IL31RA: variants seen among roughly 807,000 people sequenced by gnomAD.
The protein encoded by IL31RA is interleukin-31 receptor subunit alpha.
In IL31RA, 66 loss-of-function variants were observed where a neutral mutation model predicts 83.7. The ratio of observed to expected loss-of-function variants is 0.79; its 90% confidence interval spans 0.65 to 0.97. The LOEUF is 0.97. Among genes scored for constraint, IL31RA ranks in the 50% least tolerant of loss-of-function variants. The pLI is 0.00. For synonymous variants in IL31RA, 325 were observed against 329.0 expected (o/e 0.99, Z 0.13); for missense variants, 798 against 919.4 (o/e 0.87, Z 1.71).
At position 55,859,492 on chromosome 5, in the gene IL31RA, A is replaced by G. The variant is rs199511155; in HGVS notation, c.64-17A>G. On this transcript the variant is annotated splice_polypyrimidine_tract_variant and intron_variant, in intron 1 of 14. Transcript: ENST00000652347. ...GAGATATGAAGCAAACCAACTCTTG[A>G]CTGATGTCATTTTCAGCTCTCTCCC... is the stretch of plus-strand genomic sequence containing the variant. The G allele has an allele frequency of 1.9e-5, 30 of 1,596,588 alleles. No homozygotes were observed. In the East Asian group the frequency reaches 6.7e-4, roughly 36 times the overall value.
chr5:55,870,452 G>A (rs1010098881), intron 3 of IL31RA, among the ~76,000 whole-genome samples: 1 of 152,184 alleles, frequency 6.6e-6, no homozygotes. Context: ...AGATTTGTCA[G>A]TTCTAGTCCC....
Position 55,916,700 on chromosome 5 carries a change from AAAAC to A in IL31RA, c.1876_1879del (p.Lys626HisfsTer10). On this transcript the variant is annotated frameshift_variant, in exon 15 of 15. Coordinates refer to ENST00000652347, the MANE Select transcript of IL31RA (RefSeq NM_139017.7). LOFTEE classifies it low-confidence loss of function (END_TRUNC). ...CTGTGAACACAGAAGACAGGATCTT[AAAAC>A]CATGTTCCACCCCCAGTGACAAGTT... 6.2e-7 allele frequency: 1 copy of A among 1,614,230 alleles called. No individual in the cohort carries two copies. The highest frequency in any genetic ancestry group is 8.5e-7 in the Non-Finnish European group (1 of 1,180,020).
chr5:55,859,420 CA>C, intron 1 of IL31RA, 88 bp from the exon 2 acceptor site: 1 of 956,090 alleles, frequency 1.0e-6, no homozygotes, highest in Non-Finnish European at 1.7e-6. Flanking sequence ...TTCCTCCTTC[CA>C]AAATCCCCAG....
At chr5:55,865,303 A>G (rs1396299525) in intron 2 of IL31RA, among the ~76,000 whole-genome samples, 1 of 152,154 alleles carries the variant, frequency 6.6e-6, no homozygotes, top group Non-Finnish European at 1.5e-5. Context: ...AAAGCCTTTG[A>G]ACTGCTTGTT....
At chr5:55,847,226 GAAAAAAAAA>G (rs57491641), upstream of IL31RA, among the ~76,000 whole-genome samples, 10 of 118,822 alleles carry the variant, frequency 8.4e-5, no homozygotes, top group African/African-American at 3.4e-4. Flanking sequence ...CTGGGCAACA[GAAAAAAAAA>G]AAAAAATAAA....
At chr5:55,891,235 C>T (rs1260892146) in intron 6 of IL31RA, among the ~76,000 whole-genome samples, 5 of 152,174 alleles carry the variant, frequency 3.3e-5, no homozygotes, top group African/African-American at 7.2e-5. Flanking sequence ...CAGGGTCACT[C>T]AGCATGTGTT....
At position 55,917,226 on chromosome 5, in the gene IL31RA, C is replaced by G; in HGVS notation, c.*106C>G. The G allele has an allele frequency of 1.3e-6, 2 of 1,597,340 alleles. No individual in the cohort carries two copies. Among genetic ancestry groups the G allele is most frequent in the South Asian group, 2.2e-5 (2 of 90,068 alleles). The stretch of plus-strand genomic sequence containing the variant: ...GCTTGCTTGGCCCTGCCACATCCTG[C>G]CTAGGTTAAAGTTTCCCCTGCCCCT... On this transcript the variant is annotated 3_prime_UTR_variant, in exon 15 of 15. Coordinates refer to ENST00000652347, the MANE Select transcript of IL31RA (RefSeq NM_139017.7).
Position 55,919,989 on chromosome 5 carries a change from C to G in IL31RA, c.*2869C>G, listed in dbSNP as rs1474830414. On this transcript the variant is annotated 3_prime_UTR_variant, in exon 15 of 15. Coordinates refer to ENST00000652347, the MANE Select transcript of IL31RA (RefSeq NM_139017.7). ...AATGGATAAACCAGTTTTCTGAGAC[C>G]CTGGGATCCATGCAGACAGCTAGGT... 6.6e-6 allele frequency among the ~76,000 whole-genome samples: 1 copy of G among 152,174 alleles called. No individual in the cohort carries two copies. The highest frequency in any genetic ancestry group is 1.5e-5 in the Non-Finnish European group (1 of 68,024).
intron 4 of IL31RA, among the ~76,000 whole-genome samples, chr5:55,874,850 G>T (rs1315130556): frequency 6.6e-6 from 1 of 152,030 alleles, no homozygotes; most frequent in Non-Finnish European, 1.5e-5. Context: ...TTATGATCTG[G>T]ATACGTTTTA....
intron 8 of IL31RA, among the ~76,000 whole-genome samples, chr5:55,905,341 C>T: frequency 6.6e-6 from 1 of 152,150 alleles, no homozygotes; most frequent in East Asian, 1.9e-4. Context: ...CTGAGCCCCG[C>T]CCAGTTTGTA....
intron 5 of IL31RA, among the ~76,000 whole-genome samples, chr5:55,886,821 C>T (rs988145961): frequency 1.3e-5 from 2 of 152,164 alleles, no homozygotes; most frequent in African/African-American, 4.8e-5. Context: ...CCTAGAACAC[C>T]CTCTGCTTTT....
intron 2 of IL31RA, among the ~76,000 whole-genome samples, chr5:55,867,279 A>ATGTG (rs796392593): frequency 3.5e-4 from 5 of 14,184 alleles, no homozygotes; most frequent in African/African-American, 7.6e-4. Context: ...GTGTGTGTGC[A>ATGTG]TGTGTGTGTG....
chr5:55,910,603 C>CG lies in IL31RA; in HGVS notation c.1573_1574insG (p.Gln525ArgfsTer27). On this transcript the variant is annotated frameshift_variant, in exon 12 of 15. Coordinates refer to ENST00000652347, the MANE Select transcript of IL31RA (RefSeq NM_139017.7). LOFTEE classifies it high-confidence loss of function. ...GAAACGAAAGACCTCTTACATTGTT[C>CG]AGGTCATGGCCAGCACCAGTGCTGG... 1 of 1,613,946 alleles carries CG rather than the reference C, an allele frequency of 6.2e-7. No homozygotes were observed. Among genetic ancestry groups the CG allele is most frequent in the Non-Finnish European group, 8.5e-7 (1 of 1,179,828 alleles).
chr5:55,867,555 A>T (rs981977630), intron 2 of IL31RA, among the ~76,000 whole-genome samples: 3 of 152,044 alleles, frequency 2.0e-5, no homozygotes, highest in Non-Finnish European at 4.4e-5. Context: ...AAATAAGAAG[A>T]CCTAATAATT....
upstream of IL31RA, among the ~76,000 whole-genome samples, chr5:55,850,609 C>T (rs990598990): frequency 2.6e-5 from 4 of 152,146 alleles, no homozygotes; most frequent in East Asian, 5.8e-4. Context: ...CAAGTTTTTT[C>T]CCCCCATCTG....
intron 3 of IL31RA, among the ~76,000 whole-genome samples, chr5:55,871,239 G>A (rs540755145): frequency 6.6e-6 from 1 of 152,298 alleles, no homozygotes; most frequent in African/African-American, 2.4e-5. Context: ...ACATTGCCCT[G>A]GAGGCCATTT....
intron 9 of IL31RA, among the ~76,000 whole-genome samples, chr5:55,906,939 A>T (rs1365995882): frequency 1.3e-5 from 2 of 152,082 alleles, no homozygotes; most frequent in Non-Finnish European, 2.9e-5. Flanking sequence ...AATGCTTCAA[A>T]CATCCATATT....
intron 6 of IL31RA, among the ~76,000 whole-genome samples, chr5:55,892,415 A>T (rs1183942385): frequency 6.6e-6 from 1 of 152,216 alleles, no homozygotes; most frequent in Non-Finnish European, 1.5e-5. Context: ...TACCTCATCC[A>T]CACAATAATG....
chr5:55,849,323 A>G (rs1379284382), upstream of IL31RA, among the ~76,000 whole-genome samples: 2 of 151,438 alleles, frequency 1.3e-5, no homozygotes, highest in Non-Finnish European at 2.9e-5. Flanking sequence ...CTTACTAACT[A>G]TGGAAGATAA....
Sources: gnomAD v4.1 joint callset for allele counts (sites outside exome capture counted in the v4.1 genomes callset) on GRCh38, gnomAD v4.1.1 for gene constraint, MANE v1.5 for transcripts, NCBI Gene and HGNC (gene_info 2026-07-23, HGNC 2026-07-21) for gene names.